The following RAD51B variants were observed in gnomAD, a reference collection of about 807,000 sequenced individuals.
RAD51B encodes the protein RAD51 paralog B, also known as DNA repair protein RAD51 homolog 2.
In RAD51B, 38 loss-of-function variants were observed where a neutral mutation model predicts 42.2. The ratio of observed to expected loss-of-function variants is 0.90; its 90% CI spans 0.70 to 1.18. RAD51B has a LOEUF of 1.18. Among genes scored for constraint, RAD51B ranks in the 50% most tolerant of loss-of-function variants. The pLI is 0.00. For missense variants in RAD51B, 373 were observed against 400.7 expected (o/e 0.93, Z 0.59); for synonymous variants, 154 against 145.2 (o/e 1.06, Z -0.43).
intron 4 of RAD51B, among the ~76,000 whole-genome samples, chr14:67,861,029 A>C (rs979597332): frequency 1.3e-5 from 2 of 152,180 alleles, no homozygotes; most frequent in South Asian, 4.1e-4. Flanking sequence ...CCTTGCCACT[A>C]CAAAAAATAA....
intron 7 of RAD51B, among the ~76,000 whole-genome samples, chr14:68,234,692 A>G (rs996338676): frequency 4.6e-5 from 7 of 152,212 alleles, no homozygotes; most frequent in Admixed American, 6.5e-5. Flanking sequence ...GGTACTTACC[A>G]TGAATGGAGC....
chr14:68,615,210 T>A (rs1891800837), downstream of RAD51B, among the ~76,000 whole-genome samples: 2 of 152,274 alleles, frequency 1.3e-5, no homozygotes, highest in Admixed American at 1.3e-4. Context: ...GAGAGAGGAA[T>A]GATGAAATGT....
chr14:68,037,394 T>C (rs1309196830), intron 7 of RAD51B, among the ~76,000 whole-genome samples: 1 of 151,372 alleles, frequency 6.6e-6, no homozygotes, highest in Non-Finnish European at 1.5e-5. Context: ...CTAATTTTTA[T>C]ATTTTTAGTA....
At chr14:68,248,549 T>A (rs2080549565) in intron 7 of RAD51B, among the ~76,000 whole-genome samples, 1 of 152,170 alleles carries the variant, frequency 6.6e-6, no homozygotes, top group African/African-American at 2.4e-5. Flanking sequence ...TTTTTTAATT[T>A]ATTTGTTTGT....
At chr14:67,831,094 C>T (rs1463062264) in intron 3 of RAD51B, among the ~76,000 whole-genome samples, 4 of 151,944 alleles carry the variant, frequency 2.6e-5, no homozygotes, top group African/African-American at 7.2e-5. Context: ...AGGCTGGTCT[C>T]GAACTCGTGA....
chr14:68,031,044 A>T (rs974666263), intron 7 of RAD51B, among the ~76,000 whole-genome samples: 5 of 152,236 alleles, frequency 3.3e-5, no homozygotes, highest in Admixed American at 1.3e-4. Context: ...CTGAACAATT[A>T]CAAGATTACA....
chr14:68,637,625 G>T (rs1566961308), intron 10 of RAD51B, among the ~76,000 whole-genome samples: 1 of 152,208 alleles, frequency 6.6e-6, no homozygotes, highest in Non-Finnish European at 1.5e-5. Flanking sequence ...AGCAACATTT[G>T]GATCCCATTG....
intron 7 of RAD51B, among the ~76,000 whole-genome samples, chr14:67,935,632 G>C (rs560713063): frequency 2.0e-5 from 3 of 152,198 alleles, no homozygotes; most frequent in Non-Finnish European, 2.9e-5. Flanking sequence ...CTCCCAAAGT[G>C]TTGGGATTAG....
chr14:68,504,017 G>A (rs367894698), intron 10 of RAD51B, among the ~76,000 whole-genome samples: 2 of 152,216 alleles, frequency 1.3e-5, no homozygotes, highest in South Asian at 4.1e-4. Flanking sequence ...GAAGCACGAA[G>A]TGCTCACAGG....
chr14:68,199,227 T>C (rs1050315257), intron 7 of RAD51B, among the ~76,000 whole-genome samples: 2 of 152,202 alleles, frequency 1.3e-5, no homozygotes, highest in East Asian at 3.8e-4. Context: ...TCCAGACCAG[T>C]GCAGAGCACA....
intron 7 of RAD51B, among the ~76,000 whole-genome samples, chr14:67,993,428 A>T (rs1035670452): frequency 1.3e-5 from 2 of 152,110 alleles, no homozygotes; most frequent in African/African-American, 4.8e-5. Context: ...CCCACAAACA[A>T]CTGATAACAT....
chr14:68,457,008 G>T (rs2085711987), intron 9 of RAD51B, among the ~76,000 whole-genome samples: 1 of 143,788 alleles, frequency 7.0e-6, no homozygotes, highest in African/African-American at 2.6e-5. Flanking sequence ...TGCCTCCCAG[G>T]TTCAAGCAAT....
intron 10 of RAD51B, among the ~76,000 whole-genome samples, chr14:68,604,667 T>C (rs955402272): frequency 6.6e-6 from 1 of 152,168 alleles, no homozygotes; most frequent in Admixed American, 6.5e-5. Flanking sequence ...CCTGCCTCCC[T>C]CTAAGTCATC....
At chr14:67,975,646 G>A (rs377610402) in intron 7 of RAD51B, among the ~76,000 whole-genome samples, 2 of 152,154 alleles carry the variant, frequency 1.3e-5, no homozygotes, top group Non-Finnish European at 2.9e-5. Context: ...GGAAAGTGAC[G>A]TACAGAAAAC....
intron 7 of RAD51B, among the ~76,000 whole-genome samples, chr14:67,922,913 G>A (rs906504178): frequency 3.9e-5 from 6 of 152,020 alleles, no homozygotes; most frequent in Non-Finnish European, 8.8e-5. Flanking sequence ...CTGGTCTCAA[G>A]CTCCTGACCT....
intron 7 of RAD51B, among the ~76,000 whole-genome samples, chr14:68,199,920 A>G (rs573024163): frequency 2.2e-4 from 34 of 152,082 alleles, no homozygotes; most frequent in African/African-American, 8.0e-4. Flanking sequence ...CTCCCCAGCA[A>G]CCCGCCAATC....
At chr14:67,929,743 C>T (rs923773010) in intron 7 of RAD51B, among the ~76,000 whole-genome samples, 7 of 151,780 alleles carry the variant, frequency 4.6e-5, no homozygotes, top group African/African-American at 9.7e-5. Context: ...TTGCTTTATG[C>T]ATATCCTCTT....
At chr14:68,175,474 G>A (rs75536803) in intron 7 of RAD51B, among the ~76,000 whole-genome samples, 2,385 of 152,216 alleles carry the variant, frequency 0.016, 71 homozygotes, top group African/African-American at 0.052. Context: ...TAGCTGGCTG[G>A]GGATAGTCTT....
chr14:67,912,147 G>T (rs914379865), intron 7 of RAD51B, among the ~76,000 whole-genome samples: 4 of 152,130 alleles, frequency 2.6e-5, no homozygotes, highest in African/African-American at 9.7e-5. Context: ...GGCTTAATTA[G>T]TCTGTAGCCA....
Sources: gnomAD v4.1 joint callset for allele counts (sites outside exome capture counted in the v4.1 genomes callset) on GRCh38, gnomAD v4.1.1 for gene constraint, MANE v1.5 for transcripts, NCBI Gene and HGNC (gene_info 2026-07-23, HGNC 2026-07-21) for gene names.